Variants in ATP9A observed in about 807,000 individuals in gnomAD.
ATP9A encodes the protein ATPase phospholipid transporting 9A.
Under a neutral mutation model 144.1 loss-of-function variants are expected in ATP9A, and 52 were observed. That is an observed-to-expected ratio of 0.36 (90% CI 0.29 to 0.45). The LOEUF (loss-of-function observed/expected upper bound fraction) is 0.45. Ranked by LOEUF, ATP9A falls within the 20% of genes least tolerant of loss-of-function variation. The pLI, the probability that ATP9A is intolerant of heterozygous loss-of-function variation, is 1.00. For missense variants in ATP9A, 947 were observed against 1,392.7 expected, an observed-to-expected ratio of 0.68 and a Z score of 5.09; for synonymous variants, 582 against 557.4, an observed-to-expected ratio of 1.04 and a Z score of -0.62.
chr20:51,697,431 A>G lies in ATP9A; in HGVS notation c.488T>C (p.Val163Ala), dbSNP rs1327960794. The change falls in exon 5 of 28, where the codon GTT (valine) becomes GCT (alanine). Residue 163 changes from valine to alanine, a missense_variant. This residue lies in a region of ATP9A where 770 missense variants were observed against 1,047.9 expected (regional missense o/e 0.73). Transcript: ENST00000338821. ...SNIQVGDLII[V>A]EKNQRVPADM... ...CTTCCAGATTCTGCTCACCTTTTCA[A>G]CGATGATAAGGTCTCCAACTTGGAT... is the stretch of plus-strand genomic sequence containing the variant. The G allele has an allele frequency of 6.2e-7, 1 of 1,613,174 alleles. No homozygotes were observed.
At chr20:51,676,860 T>G (rs991937590) in intron 9 of ATP9A, among the ~76,000 whole-genome samples, 2 of 150,256 alleles carry the variant, frequency 1.3e-5, no homozygotes, top group Non-Finnish European at 3.0e-5. Context: ...AACTGATCCA[T>G]CTGCCTCGGC....
Position 51,596,840 on chromosome 20 carries a change from G to A in ATP9A, c.*4371C>T, listed in dbSNP as rs1227563272. The A allele has an allele frequency of 6.6e-6, 1 of 152,218 alleles. No individual in the cohort carries two copies. The highest frequency in any genetic ancestry group is 1.5e-5 in the Non-Finnish European group (1 of 68,044). 9.4% of individuals were successfully genotyped at this position (152,218 alleles called of 1,614,324 possible). A position where few individuals can be genotyped will look rare whatever the true frequency, so the allele number is the denominator to read the frequency against. On this transcript the variant is annotated 3_prime_UTR_variant, in exon 28 of 28. Coordinates refer to ENST00000338821, the MANE Select transcript of ATP9A (RefSeq NM_006045.3). ...CACGCTGGCAAACAATGAAAGTAGA[G>A]TCGCTCAGAAACACGAAAGATCATA... is the stretch of plus-strand genomic sequence containing the variant.
chr20:51,605,430 C>A (rs570903152), intron 26 of ATP9A, among the ~76,000 whole-genome samples: 94 of 152,188 alleles, frequency 6.2e-4, no homozygotes, highest in African/African-American at 2.1e-3. Context: ...CCAGCTTGGG[C>A]AACAAGGTGA....
At chr20:51,607,436 G>T (rs2273090) in intron 26 of ATP9A, 91 bp downstream of exon 26, 350,002 of 1,212,596 alleles carry the variant, frequency 0.29, 51,936 homozygotes, top group Non-Finnish European at 0.31. Context: ...TTTCAGATTC[G>T]TTTCTTCTCT....
intron 16 of ATP9A, among the ~76,000 whole-genome samples, chr20:51,628,356 G>A (rs1304590262): frequency 1.3e-5 from 2 of 152,276 alleles, no homozygotes; most frequent in East Asian, 1.9e-4. Context: ...GGCCCCTCCT[G>A]GAACTCACAT....
intron 1 of ATP9A, among the ~76,000 whole-genome samples, chr20:51,760,334 A>T (rs1461519381): frequency 3.3e-5 from 5 of 152,190 alleles, no homozygotes; most frequent in Non-Finnish European, 5.9e-5. Flanking sequence ...CAACAAAAAT[A>T]ATGTGACCAG....
At chr20:51,732,931 C>G (rs970736467) in intron 1 of ATP9A, among the ~76,000 whole-genome samples, 1 of 151,388 alleles carries the variant, frequency 6.6e-6, no homozygotes, top group Non-Finnish European at 1.5e-5. Flanking sequence ...ACTGACTCCT[C>G]TAAGAGCCAG....
chr20:51,639,523 C>A lies in ATP9A; in HGVS notation c.1507-19G>T. The A allele has an allele frequency of 1.3e-6, 2 of 1,590,492 alleles. No individual in the cohort carries two copies. The highest frequency in any genetic ancestry group is 1.7e-6 in the Non-Finnish European group (2 of 1,168,590). Reference sequence around the variant, plus strand: ...GGGCCACCTAAACATAACACAGGGTCGAAGGTCAGATGCCCAGCCGAGAAT... The same window carrying A: ...GGGCCACCTAAACATAACACAGGGTAGAAGGTCAGATGCCCAGCCGAGAAT... On this transcript the variant is annotated intron_variant, in intron 14 of 27. Coordinates refer to ENST00000338821, the MANE Select transcript of ATP9A (RefSeq NM_006045.3).
At position 51,615,026 on chromosome 20, in the gene ATP9A, CG is replaced by C. The variant is rs1316986494; in HGVS notation, c.2416-1195del. 3.2e-5 allele frequency among the ~76,000 whole-genome samples: 4 copies of C among 124,454 alleles called. No individual in the cohort carries two copies. The East Asian group carries it at 9.9e-4, about 31-fold the overall frequency. The allele number at this position is 124,454 out of a possible 152,430, so 81.6% of individuals were successfully genotyped here. A position where few individuals can be genotyped will look rare whatever the true frequency, so the allele number is the denominator to read the frequency against. ...GTACCATTATATATCAATGTTAACA[CG>C]GGGTTGAGCATGAATATTATATAGT... is the stretch of plus-strand genomic sequence containing the variant. On this transcript the variant is annotated intron_variant, in intron 22 of 27. Coordinates refer to ENST00000338821, the MANE Select transcript of ATP9A (RefSeq NM_006045.3).
chr20:51,703,650 G>A (rs1358957377), intron 4 of ATP9A, among the ~76,000 whole-genome samples: 2 of 152,174 alleles, frequency 1.3e-5, no homozygotes, highest in Non-Finnish European at 1.5e-5. Context: ...TTCAGAATAA[G>A]AGCAGTTTGT....
intron 9 of ATP9A, among the ~76,000 whole-genome samples, chr20:51,683,237 A>G (rs1048909844): frequency 6.6e-6 from 1 of 151,976 alleles, no homozygotes; most frequent in African/African-American, 2.4e-5. Flanking sequence ...AAGGCACACA[A>G]CACAACACCT....
At chr20:51,666,507 C>T (rs2077433448) in intron 13 of ATP9A, among the ~76,000 whole-genome samples, 1 of 151,916 alleles carries the variant, frequency 6.6e-6, no homozygotes, top group South Asian at 2.1e-4. Context: ...ATGGTGAAAC[C>T]CCGTCTCTAC....
intron 13 of ATP9A, among the ~76,000 whole-genome samples, chr20:51,666,610 G>A (rs2077433841): frequency 6.6e-6 from 1 of 151,706 alleles, no homozygotes; most frequent in Admixed American, 6.6e-5. Flanking sequence ...AACCCGGGAG[G>A]TGGAGGTTGC....
At chr20:51,638,434 G>GA (rs2077304630) in intron 15 of ATP9A, among the ~76,000 whole-genome samples, 1 of 151,994 alleles carries the variant, frequency 6.6e-6, no homozygotes. Context: ...CTGAACCAAG[G>GA]AATCGGTATT....
chr20:51,756,728 G>A (rs970040414), intron 1 of ATP9A, among the ~76,000 whole-genome samples: 12 of 152,138 alleles, frequency 7.9e-5, no homozygotes, highest in Non-Finnish European at 1.8e-4. Flanking sequence ...GAGGTGCTGG[G>A]GATTCCAGCT....
Position 51,696,164 on chromosome 20 carries a change from A to C in ATP9A, c.496-20T>G. ...CTGGTTCTGTGTTATGAAAAGAAAG[A>C]CTGTTACTGTGAATGAATGACCGTG... On this transcript the variant is annotated intron_variant, in intron 5 of 27. Transcript: ENST00000338821. 1 of 1,612,088 alleles carries C rather than the reference A, an allele frequency of 6.2e-7. No individual in the cohort carries two copies. Among genetic ancestry groups the C allele is most frequent in the Non-Finnish European group, 8.5e-7 (1 of 1,178,260 alleles).
intron 9 of ATP9A, among the ~76,000 whole-genome samples, chr20:51,679,399 G>A (rs1012851264): frequency 6.6e-5 from 10 of 152,154 alleles, no homozygotes; most frequent in Middle Eastern, 3.2e-3. Context: ...CTGAGTCCAC[G>A]TTCCTCATGC....
rs568463570 is a variant in ATP9A at position 51,599,596 on chromosome 20, C to T, written c.*1615G>A. 6.6e-5 allele frequency: 10 copies of T among 152,268 alleles called. No individual in the cohort carries two copies. Among genetic ancestry groups the T allele is most frequent in the South Asian group, 6.2e-4 (3 of 4,824 alleles). The allele number at this position is 152,268 out of a possible 1,614,324, so 9.4% of individuals were successfully genotyped here. A position where few individuals can be genotyped will look rare whatever the true frequency, so the allele number is the denominator to read the frequency against. ...ACAGCCAATTAACCAGTACCTGCAA[C>T]GTAAAGTCATTCTAGAACATTTTAA... On this transcript the variant is annotated 3_prime_UTR_variant, in exon 28 of 28. Transcript: ENST00000338821.
chr20:51,646,569 A>G (rs536917000), intron 14 of ATP9A, among the ~76,000 whole-genome samples: 1 of 152,322 alleles, frequency 6.6e-6, no homozygotes, highest in East Asian at 1.9e-4. Context: ...AGGCGTTGGG[A>G]GAGAAGCAGA....
Sources: allele counts gnomAD v4.1 joint callset (sites outside exome capture counted in the v4.1 genomes callset), GRCh38; gene constraint gnomAD v4.1.1; regional missense constraint gnomAD v4.1.1; transcripts MANE v1.5; gene names NCBI Gene and HGNC (gene_info 2026-07-23, HGNC 2026-07-21).